Variants in SAAL1 observed in about 807,000 individuals in gnomAD.
The protein encoded by SAAL1 is serum amyloid A like 1.
Under a neutral mutation model 59.8 loss-of-function variants are expected in SAAL1, and 42 were observed. That is an observed-to-expected ratio of 0.70 (90% confidence interval 0.55 to 0.91). The LOEUF (loss-of-function observed/expected upper bound fraction) is 0.91, where lower values mean the gene tolerates loss of function less well. SAAL1 is among the 40% of genes least tolerant of loss of function. SAAL1 has a pLI of 0.00. For missense variants in SAAL1, 542 were observed against 561.1 expected (o/e 0.97, Z 0.34); for synonymous variants, 191 against 194.3 (o/e 0.98, Z 0.14).
Position 18,080,316 on chromosome 11 carries a change from T to G in SAAL1, c.*83A>C, listed in dbSNP as rs1179066789. 1 of 872,720 alleles carries G rather than the reference T, an allele frequency of 1.1e-6. No individual in the cohort carries two copies. Among genetic ancestry groups the G allele is most frequent in the Admixed American group, 2.7e-5 (1 of 37,464 alleles). The allele number at this position is 872,720 out of a possible 1,614,324, so 54.1% of individuals were successfully genotyped here. A position where few individuals can be genotyped will look rare whatever the true frequency, so the allele number is the denominator to read the frequency against. On this transcript the variant is annotated 3_prime_UTR_variant, in exon 12 of 12. Coordinates refer to ENST00000524803, the MANE Select transcript of SAAL1 (RefSeq NM_138421.3). Reference sequence around the variant, plus strand: ...ATTATGGTCTAATATGGGCTTTAGTTAATATTTCCAATAAGTCAATTTCAA... The same window carrying G: ...ATTATGGTCTAATATGGGCTTTAGTGAATATTTCCAATAAGTCAATTTCAA...
chr11:18,092,070 A>G (rs536592837), intron 4 of SAAL1, among the ~76,000 whole-genome samples, 175 bp downstream of exon 4: 1 of 152,330 alleles, frequency 6.6e-6, no homozygotes, highest in African/African-American at 2.4e-5. Context: ...GAATCATTTC[A>G]GTATCTCCTG....
chr11:18,081,604 T>A (rs570758655), intron 10 of SAAL1, 101 bp from the exon 11 acceptor site: 4 of 869,316 alleles, frequency 4.6e-6, no homozygotes, highest in Non-Finnish European at 7.6e-6. Context: ...CCTGACTTCA[T>A]AGGCATTTCA....
At chr11:18,093,618 A>G (rs1253609068) in intron 3 of SAAL1, among the ~76,000 whole-genome samples, 1 of 152,218 alleles carries the variant, frequency 6.6e-6, no homozygotes, top group African/African-American at 2.4e-5. Flanking sequence ...ATAATTTCAT[A>G]TAATAACTTA....
At position 18,083,630 on chromosome 11, in the gene SAAL1, T is replaced by C. The variant is rs749130699; in HGVS notation, c.1144A>G (p.Lys382Glu). ...TCATCTTGGGTTAAATCAGTCCTTT[T>C]AGTTTCCTCTGTGTTAGACTCTGCC... Reference protein sequence around the residue: ...NSAESNTEETKRTDLTQDDFH... With the variant: ...NSAESNTEETERTDLTQDDFH... Residue 382 changes from lysine (K) to glutamate (E), a missense_variant, in exon 10 of 12, where the codon AAA (lysine) becomes GAA (glutamate). Physicochemically the swap from Lys to Glu is moderately conservative, Grantham distance 56. Transcript: ENST00000524803. The C allele has an allele frequency of 2.5e-6, 4 of 1,609,094 alleles. No homozygotes were observed. Among genetic ancestry groups the C allele is most frequent in the Non-Finnish European group, 1.7e-6 (2 of 1,175,572 alleles).
chr11:18,080,765 A>G (rs1848400696), intron 11 of SAAL1, among the ~76,000 whole-genome samples: 1 of 152,156 alleles, frequency 6.6e-6, no homozygotes, highest in African/African-American at 2.4e-5. Flanking sequence ...ATTTTCCTGA[A>G]AAAGTTCCTA....
At chr11:18,091,660 C>T (rs1848524826) in intron 4 of SAAL1, among the ~76,000 whole-genome samples, 1 of 152,204 alleles carries the variant, frequency 6.6e-6, no homozygotes, top group Non-Finnish European at 1.5e-5. Context: ...AATACACTCA[C>T]AAAATTCAGC....
At chr11:18,103,123 A>G in intron 2 of SAAL1, 110 bp downstream of exon 2, 1 of 747,962 alleles carries the variant, frequency 1.3e-6, no homozygotes, top group South Asian at 1.5e-5. Context: ...GTGTGATTAC[A>G]GACAGGAGAT....
At chr11:18,101,820 T>TAAAAAAAA (rs58015469) in intron 2 of SAAL1, among the ~76,000 whole-genome samples, 1 of 113,156 alleles carries the variant, frequency 8.8e-6, no homozygotes, top group Non-Finnish European at 1.9e-5. Flanking sequence ...CATTCAGCAA[T>TAAAAAAAA]AAAAAAAAAA....
intron 2 of SAAL1, among the ~76,000 whole-genome samples, chr11:18,097,971 C>T (rs1031792746): frequency 1.3e-5 from 2 of 152,144 alleles, no homozygotes; most frequent in African/African-American, 2.4e-5. Flanking sequence ...CATAGTGAAA[C>T]GCCATCTCTA....
intron 3 of SAAL1, among the ~76,000 whole-genome samples, chr11:18,095,019 C>T (rs1021098145): frequency 2.0e-5 from 3 of 152,142 alleles, no homozygotes; most frequent in Non-Finnish European, 2.9e-5. Flanking sequence ...GGTAAAGCTT[C>T]TCAGAGTGTG....
intron 1 of SAAL1, 133 bp downstream of exon 1, chr11:18,105,774 G>A (rs1848682571): frequency 1.7e-6 from 2 of 1,178,796 alleles, no homozygotes; most frequent in Non-Finnish European, 2.3e-6. Context: ...CAAGGAGCAA[G>A]GTCCCGCAGC....
intron 4 of SAAL1, among the ~76,000 whole-genome samples, chr11:18,091,772 C>T (rs901296297): frequency 1.3e-5 from 2 of 152,188 alleles, no homozygotes; most frequent in African/African-American, 2.4e-5. Flanking sequence ...GAACGAGCCT[C>T]GAAGCAGATA....
At chr11:18,096,698 A>T (rs927443025) in intron 3 of SAAL1, 73 bp downstream of exon 3, 3 of 821,950 alleles carry the variant, frequency 3.6e-6, no homozygotes, top group African/African-American at 1.7e-5. Context: ...AAAGTGAGAA[A>T]AATAAAAGAC....
chr11:18,097,716 G>GC (rs1485331858), intron 2 of SAAL1, among the ~76,000 whole-genome samples: 1 of 152,056 alleles, frequency 6.6e-6, no homozygotes, highest in Non-Finnish European at 1.5e-5. Flanking sequence ...GCACATGCCT[G>GC]CAGTCCCAGC....
chr11:18,081,557 C>G, intron 10 of SAAL1, 54 bp from the exon 11 acceptor site: 1 of 1,342,804 alleles, frequency 7.4e-7, no homozygotes, highest in East Asian at 2.3e-5. Flanking sequence ...CAAGCTTTAA[C>G]TAGTGAATAA....
chr11:18,090,292 T>C lies in SAAL1; in HGVS notation c.474-2A>G. On this transcript the variant is annotated splice_acceptor_variant, in intron 5 of 11. Transcript: ENST00000524803. LOFTEE classifies it high-confidence loss of function. ...TGGGAAAGGCAAGTAAGCAACAACC[T>C]ACATGGTAAACGTGGGTTGAATTTC... 6.4e-7 allele frequency: 1 copy of C among 1,574,258 alleles called. No homozygotes were observed.
At chr11:18,089,615 G>T in intron 6 of SAAL1, 105 bp from the exon 7 acceptor site, 1 of 955,216 alleles carries the variant, frequency 1.0e-6, no homozygotes, top group Non-Finnish European at 1.5e-6. Context: ...TCTTGCCAAA[G>T]CAGTACTTAT....
intron 3 of SAAL1, among the ~76,000 whole-genome samples, chr11:18,092,929 T>C (rs560458178): frequency 6.6e-6 from 1 of 152,228 alleles, no homozygotes; most frequent in South Asian, 2.1e-4. Flanking sequence ...TCTTTATCCA[T>C]GGTTTCAGTT....
intron 2 of SAAL1, among the ~76,000 whole-genome samples, chr11:18,102,806 T>A (rs1407043467): frequency 3.9e-5 from 6 of 152,210 alleles, no homozygotes; most frequent in African/African-American, 1.4e-4. Context: ...TAGAATAAAA[T>A]ACAGATATTA....
Sources: allele counts gnomAD v4.1 joint callset (sites outside exome capture counted in the v4.1 genomes callset), GRCh38; gene constraint gnomAD v4.1.1; transcripts MANE v1.5; gene names NCBI Gene and HGNC (gene_info 2026-07-23, HGNC 2026-07-21).